SHISA9: variants seen among roughly 807,000 people sequenced by gnomAD.
SHISA9 encodes the protein protein shisa-9.
In SHISA9, 13 loss-of-function variants were observed where a neutral mutation model predicts 38.0. The ratio of observed to expected loss-of-function variants is 0.34; its 90% CI spans 0.22 to 0.54. SHISA9 has a LOEUF of 0.54. Ranked by LOEUF, SHISA9 falls within the 20% of genes least tolerant of loss-of-function variation. The probability of loss-of-function intolerance (pLI) is 0.91; values close to 1 mark genes in which losing one functional copy is unlikely to be tolerated. For synonymous variants in SHISA9, 275 were observed against 242.0 expected (o/e 1.14, Z -1.27); for missense variants, 538 against 575.8 (o/e 0.93, Z 0.67).
the SHISA9 span, among the ~76,000 whole-genome samples, chr16:13,424,308 T>C: frequency 1.3e-5 from 2 of 152,260 alleles, no homozygotes; most frequent in South Asian, 4.1e-4. Context: ...TGCTCCTGAA[T>C]GTAATGACCT....
chr16:13,156,404 A>G (rs1450435865), intron 2 of SHISA9, among the ~76,000 whole-genome samples: 1 of 152,178 alleles, frequency 6.6e-6, no homozygotes, highest in Non-Finnish European at 1.5e-5. Context: ...CAATCCTGCC[A>G]ACACTCATTG....
Position 13,110,912 on chromosome 16 carries a change from G to T in SHISA9, c.692-92482G>T, listed in dbSNP as rs148970766. On this transcript the variant is annotated intron_variant, in intron 2 of 4. Transcript: ENST00000558583. ...GCCTGAAGGTATTAAAAAATATTTAGTACGTGGCTTCTAAGATTTAACTGT... is the reference window on the plus strand; with the variant it reads ...GCCTGAAGGTATTAAAAAATATTTATTACGTGGCTTCTAAGATTTAACTGT... Among the ~76,000 whole-genome samples the T allele has an allele frequency of 4.6e-3, 693 of 152,290 alleles. 2 individuals carry two copies. Among genetic ancestry groups the T allele is most frequent in the African/African-American group, 0.016 (673 of 41,554 alleles).
At chr16:13,444,804 C>T in the SHISA9 span, among the ~76,000 whole-genome samples, 2 of 150,650 alleles carry the variant, frequency 1.3e-5, no homozygotes, top group African/African-American at 2.4e-5. Context: ...CTCCCTCTTC[C>T]CTCCATCTTC....
rs1210768057 is a variant in SHISA9, at chr16:12,916,725, A to C, written c.601A>C (p.Asn201His). ...TGTCATGAGACCACAGGGCCACTGCAACACTGATCACATGGAGAGAGACCT... is the reference window on the plus strand; with the variant it reads ...TGTCATGAGACCACAGGGCCACTGCCACACTGATCACATGGAGAGAGACCT... ...ADVMRPQGHC[N>H]TDHMERDLNI... is the part of the protein sequence containing the mutation. The change falls in exon 2 of 5, where the codon AAC becomes CAC. Residue 201 changes from asparagine (N) to histidine (H), a missense_variant. Physicochemically the swap from Asn to His is moderately conservative, Grantham distance 68. Around this residue, in one of 4 missense-constraint regions of SHISA9, gnomAD observed 326 missense variants for 305.9 expected, o/e 1.07. Transcript: ENST00000558583. 1.3e-6 allele frequency: 2 copies of C among 1,552,150 alleles called. No homozygotes were observed. The highest frequency in any genetic ancestry group is 2.4e-5 in the South Asian group (2 of 84,060).
At chr16:12,999,294 G>C (rs1364971248) in intron 2 of SHISA9, among the ~76,000 whole-genome samples, 1 of 152,116 alleles carries the variant, frequency 6.6e-6, no homozygotes, top group Non-Finnish European at 1.5e-5. Context: ...CCATGAAAAG[G>C]ACACTTGTTT....
chr16:13,371,041 T>C, the SHISA9 span, among the ~76,000 whole-genome samples: 2 of 152,342 alleles, frequency 1.3e-5, no homozygotes, highest in African/African-American at 4.8e-5. Context: ...TTTTCTTTGC[T>C]GATTCTGTCG....
At chr16:13,296,935 C>T in the SHISA9 span, among the ~76,000 whole-genome samples, 15 of 144,652 alleles carry the variant, frequency 1.0e-4, no homozygotes, top group East Asian at 2.0e-4. Flanking sequence ...AATGCTTTCT[C>T]GTTGTAAAAA....
intron 2 of SHISA9, among the ~76,000 whole-genome samples, chr16:13,076,962 A>T (rs1297575891): frequency 6.6e-6 from 1 of 152,202 alleles, no homozygotes. Flanking sequence ...TCGTAGTGTC[A>T]ATGACACTTT....
chr16:13,287,001 C>G, the SHISA9 span, among the ~76,000 whole-genome samples: 1 of 151,928 alleles, frequency 6.6e-6, no homozygotes, highest in African/African-American at 2.4e-5. Context: ...TTTTTTAACT[C>G]ATTACCTCTT....
chr16:13,429,582 C>T, the SHISA9 span, among the ~76,000 whole-genome samples: 1 of 152,124 alleles, frequency 6.6e-6, no homozygotes, highest in African/African-American at 2.4e-5. Context: ...AGCATCACTT[C>T]TTCTTAACTA....
chr16:13,031,835 T>C (rs550396033), intron 2 of SHISA9, among the ~76,000 whole-genome samples: 1 of 152,204 alleles, frequency 6.6e-6, no homozygotes, highest in South Asian at 2.1e-4. Context: ...TTTGTTCATG[T>C]GAAATTTCCT....
the SHISA9 span, among the ~76,000 whole-genome samples, chr16:13,536,970 C>T: frequency 6.6e-6 from 1 of 152,152 alleles, no homozygotes; most frequent in Non-Finnish European, 1.5e-5. Flanking sequence ...CTTTCAGCAT[C>T]AAGGATCTTA....
chr16:13,302,472 C>T, the SHISA9 span, among the ~76,000 whole-genome samples: 1 of 152,180 alleles, frequency 6.6e-6, no homozygotes, highest in South Asian at 2.1e-4. Flanking sequence ...TAGTTCTTTG[C>T]AATCAGGCCC....
chr16:13,242,887 C>G (rs2051445324), downstream of SHISA9, among the ~76,000 whole-genome samples: 1 of 152,138 alleles, frequency 6.6e-6, no homozygotes, highest in African/African-American at 2.4e-5. Flanking sequence ...GAGGATTGAG[C>G]ACTTGCCAGG....
intron 2 of SHISA9, among the ~76,000 whole-genome samples, chr16:13,076,344 T>C (rs758015636): frequency 3.3e-5 from 5 of 152,234 alleles, no homozygotes; most frequent in African/African-American, 4.8e-5. Context: ...AAACAGATTT[T>C]GTTTTTTCTA....
the SHISA9 span, among the ~76,000 whole-genome samples, chr16:13,395,844 G>A: frequency 2.6e-5 from 4 of 152,196 alleles, no homozygotes; most frequent in African/African-American, 9.7e-5. Flanking sequence ...CATGTGATCT[G>A]TGCAGAGTGG....
chr16:13,206,797 A>G (rs1340402764), intron 3 of SHISA9, among the ~76,000 whole-genome samples: 2 of 152,196 alleles, frequency 1.3e-5, no homozygotes, highest in Non-Finnish European at 2.9e-5. Context: ...ATGACCACAG[A>G]TTCCTTCTAT....
At chr16:13,134,950 A>G (rs1439567559) in intron 2 of SHISA9, among the ~76,000 whole-genome samples, 3 of 152,152 alleles carry the variant, frequency 2.0e-5, no homozygotes, top group Non-Finnish European at 4.4e-5. Context: ...TGACTCTTGA[A>G]GCTTCTGCTC....
At chr16:13,117,139 C>G (rs2074038301) in intron 2 of SHISA9, among the ~76,000 whole-genome samples, 1 of 152,084 alleles carries the variant, frequency 6.6e-6, no homozygotes, top group Non-Finnish European at 1.5e-5. Flanking sequence ...CCACGCCCGG[C>G]TAATTTTTAT....
Sources: gnomAD v4.1 joint callset for allele counts (sites outside exome capture counted in the v4.1 genomes callset) on GRCh38, gnomAD v4.1.1 for gene constraint, gnomAD v4.1.1 regional missense constraint, MANE v1.5 for transcripts, NCBI Gene and HGNC (gene_info 2026-07-23, HGNC 2026-07-21) for gene names.